RNF139: variants seen among roughly 807,000 people sequenced by gnomAD.
RNF139 encodes E3 ubiquitin-protein ligase RNF139.
A neutral mutation model predicts 49.5 loss-of-function variants in RNF139; 15 were observed. The ratio of observed to expected loss-of-function variants is 0.30; its 90% CI spans 0.20 to 0.47. The LOEUF (loss-of-function observed/expected upper bound fraction) is 0.47. Among genes scored for constraint, RNF139 ranks in the 20% least tolerant of loss-of-function variants. The probability of loss-of-function intolerance (pLI) is 1.00; values close to 1 mark genes in which losing one functional copy is unlikely to be tolerated. For synonymous variants in RNF139, 325 were observed against 300.9 expected (o/e 1.08, Z -0.83); for missense variants, 619 against 806.3 (o/e 0.77, Z 2.81).
chr8:124,483,110 A>ATT (rs1563631440), intron 1 of RNF139, among the ~76,000 whole-genome samples: 1 of 69,082 alleles, frequency 1.4e-5, no homozygotes, highest in African/African-American at 7.1e-5. Flanking sequence ...TATATATATT[A>ATT]AAAATATATA....
At chr8:124,481,160 C>T (rs1816401011) in intron 1 of RNF139, among the ~76,000 whole-genome samples, 1 of 152,046 alleles carries the variant, frequency 6.6e-6, no homozygotes, top group South Asian at 2.1e-4. Context: ...TATAATTTAT[C>T]AAGTATACCA....
At chr8:124,482,972 A>G (rs56714947) in intron 1 of RNF139, among the ~76,000 whole-genome samples, 1 of 97,696 alleles carries the variant, frequency 1.0e-5, no homozygotes, top group African/African-American at 4.2e-5. Flanking sequence ...TATATATATT[A>G]TTTAAATATA....
At chr8:124,482,979 TATATATATATTTAAAA>T (rs1816451314) in intron 1 of RNF139, among the ~76,000 whole-genome samples, 1 of 99,366 alleles carries the variant, frequency 1.0e-5, no homozygotes, top group Non-Finnish European at 1.9e-5. Context: ...ATTATTTAAA[TATATATATATTTAAAA>T]ATATATATAT....
intron 1 of RNF139, among the ~76,000 whole-genome samples, chr8:124,479,912 A>G (rs543999744): frequency 1.6e-4 from 25 of 152,312 alleles, no homozygotes; most frequent in Admixed American, 3.9e-4. Context: ...TTATGTCAAT[A>G]TATAGACAGT....
chr8:124,486,107 A>G lies in RNF139; in HGVS notation c.458A>G (p.Gln153Arg). ...TLLQIHSIYS[Q>R]LIILDLLVPV... ...CTCCAGATTCATTCCATCTATTCAC[A>G]ATTAATTATTTTGGATCTCTTGGTT... Residue 153 changes from glutamine to arginine, a missense_variant, in exon 2 of 2, where the codon CAA becomes CGA. This residue lies in a region of RNF139 where 530 missense variants were observed against 728.9 expected (regional missense o/e 0.73). Coordinates refer to ENST00000303545, the MANE Select transcript of RNF139 (RefSeq NM_007218.4). 6.2e-7 allele frequency: 1 copy of G among 1,614,196 alleles called. No individual in the cohort carries two copies. The highest frequency in any genetic ancestry group is 8.5e-7 in the Non-Finnish European group (1 of 1,180,020).
At chr8:124,481,009 A>T (rs1365921093) in intron 1 of RNF139, among the ~76,000 whole-genome samples, 1 of 152,200 alleles carries the variant, frequency 6.6e-6, no homozygotes, top group Non-Finnish European at 1.5e-5. Flanking sequence ...TTGGCTTTTT[A>T]AAATCCATGT....
In RNF139 at chr8:124,488,455, AGGGGAATGGT is replaced by A. The variant is rs889955515; in HGVS notation, c.*823_*832del. 24 of 483,876 alleles carry A rather than the reference AGGGGAATGGT, an allele frequency of 5.0e-5. No homozygotes were observed. Among genetic ancestry groups the A allele is most frequent in the African/African-American group, 3.3e-4 (16 of 49,146 alleles). The allele number at this position is 483,876 out of a possible 1,614,324, so 30.0% of individuals were successfully genotyped here. ...CTGATCTGATTTTACGAGAAAAAGA[AGGGGAATGGT>A]GGGGAATGGTGTGTACCGATATATA... On this transcript the variant is annotated 3_prime_UTR_variant, in exon 2 of 2. Coordinates refer to ENST00000303545, the MANE Select transcript of RNF139 (RefSeq NM_007218.4).
intron 1 of RNF139, among the ~76,000 whole-genome samples, chr8:124,481,083 G>C (rs530804555): frequency 9.8e-4 from 149 of 152,138 alleles, no homozygotes; most frequent in African/African-American, 3.4e-3. Context: ...GTTTAATTTT[G>C]TGTTAATACT....
chr8:124,484,599 A>T (rs75512978), intron 1 of RNF139, among the ~76,000 whole-genome samples: 134 of 152,320 alleles, frequency 8.8e-4, no homozygotes, highest in Non-Finnish European at 1.5e-3. Flanking sequence ...GAGTTTCAGA[A>T]CTTTGGAGAT....
chr8:124,482,403 T>G (rs77481784), intron 1 of RNF139, among the ~76,000 whole-genome samples: 3,598 of 152,188 alleles, frequency 0.024, 81 homozygotes, highest in Middle Eastern at 0.051. Context: ...CAAAAATAAT[T>G]TACAGTTCCT....
At chr8:124,479,766 A>G (rs978865989) in intron 1 of RNF139, among the ~76,000 whole-genome samples, 3 of 152,198 alleles carry the variant, frequency 2.0e-5, no homozygotes, top group African/African-American at 7.2e-5. Context: ...TACATAGCCC[A>G]GAAACAGACA....
At chr8:124,485,160 T>TA (rs1213231904) in intron 1 of RNF139, among the ~76,000 whole-genome samples, 5 of 152,172 alleles carry the variant, frequency 3.3e-5, no homozygotes, top group Non-Finnish European at 7.3e-5. Context: ...CGTCAGGAGT[T>TA]AGAGACCAGT....
intron 1 of RNF139, among the ~76,000 whole-genome samples, chr8:124,480,357 T>C (rs2131299824): frequency 7.7e-6 from 1 of 130,190 alleles, no homozygotes; most frequent in South Asian, 2.3e-4. Flanking sequence ...AATCAAAAGA[T>C]CGCACCACTG....
intron 1 of RNF139, 106 bp from the exon 2 acceptor site, chr8:124,485,725 T>G (rs763586251): frequency 9.9e-7 from 1 of 1,011,098 alleles, no homozygotes; most frequent in African/African-American, 1.6e-5. Flanking sequence ...TGTTCATAAC[T>G]GAAAATATTC....
intron 1 of RNF139, among the ~76,000 whole-genome samples, chr8:124,475,863 G>A (rs916918040): frequency 2.6e-5 from 4 of 152,172 alleles, no homozygotes; most frequent in African/African-American, 9.7e-5. Context: ...TGCTTAAATC[G>A]AGTCCTAAAA....
chr8:124,483,100 TATATATATTAAAA>T (rs1816473540), intron 1 of RNF139, among the ~76,000 whole-genome samples: 6 of 6,352 alleles, frequency 9.4e-4, no homozygotes, highest in Non-Finnish European at 1.4e-3. Context: ...TATTTAAAAA[TATATATATTAAAA>T]ATATATATAT....
chr8:124,479,202 T>C (rs1816364809), intron 1 of RNF139, among the ~76,000 whole-genome samples: 1 of 151,980 alleles, frequency 6.6e-6, no homozygotes, highest in Non-Finnish European at 1.5e-5. Context: ...GCGATTCTCC[T>C]GCCTCAGCCT....
intron 1 of RNF139, among the ~76,000 whole-genome samples, chr8:124,480,326 T>C (rs1563630189): frequency 6.7e-6 from 1 of 148,844 alleles, no homozygotes; most frequent in African/African-American, 2.5e-5. Context: ...CCGAATGATA[T>C]TGAGGTTAAA....
rs35970900 is a variant in RNF139, at chr8:124,486,332, C to T, written c.683C>T (p.Thr228Ile). 2.5e-6 allele frequency: 4 copies of T among 1,613,970 alleles called. No homozygotes were observed. The highest frequency in any genetic ancestry group is 1.1e-5 in the South Asian group (1 of 91,088). Residue 228 changes from threonine to isoleucine, a missense_variant, in exon 2 of 2, where the codon ACA becomes ATA. Transcript: ENST00000303545. ...GGATTACAGTTATTGATGGAGGACACATGGAAGAGGATTCGTTTCCCAGAC... is the reference window on the plus strand; with the variant it reads ...GGATTACAGTTATTGATGGAGGACATATGGAAGAGGATTCGTTTCCCAGAC... ...IYGLQLLMEDTWKRIRFPDIL... is the reference protein window; with the variant it reads ...IYGLQLLMEDIWKRIRFPDIL...
Sources: allele counts gnomAD v4.1 joint callset (sites outside exome capture counted in the v4.1 genomes callset), GRCh38; gene constraint gnomAD v4.1.1; regional missense constraint gnomAD v4.1.1; transcripts MANE v1.5; gene names NCBI Gene and HGNC (gene_info 2026-07-23, HGNC 2026-07-21).